Variants in CLNK observed in about 807,000 individuals in gnomAD.
CLNK encodes cytokine dependent hematopoietic cell linker, also known as cytokine-dependent hematopoietic cell linker.
In CLNK, 74 loss-of-function variants were observed where a neutral mutation model predicts 68.6. The observed-to-expected ratio is 1.08, with a 90% CI of 0.89 to 1.31. CLNK has a LOEUF of 1.31. Ranked by LOEUF, CLNK falls within the 50% of genes most tolerant of loss-of-function variation. The pLI is 0.00. For missense variants in CLNK, 553 were observed against 515.3 expected (o/e 1.07, Z -0.71); for synonymous variants, 198 against 172.2 (o/e 1.15, Z -1.17).
Position 10,667,930 on chromosome 4 carries a change from A to C in CLNK, c.-42-19T>G. The C allele has an allele frequency of 7.8e-7, 1 of 1,287,448 alleles. No individual in the cohort carries two copies. The highest frequency in any genetic ancestry group is 1.0e-6 in the Non-Finnish European group (1 of 956,562). The allele number at this position is 1,287,448 out of a possible 1,614,324, so 79.8% of individuals were successfully genotyped here. A position where few individuals can be genotyped will look rare whatever the true frequency, so the allele number is the denominator to read the frequency against. On this transcript the variant is annotated intron_variant, in intron 1 of 18. Coordinates refer to ENST00000226951, the MANE Select transcript of CLNK (RefSeq NM_052964.4). ...ATTCAGCCTGTGGAAACAAAAGCAAACGCGTTACTGGAACTTCCACATCAT... is the reference window on the plus strand; with the variant it reads ...ATTCAGCCTGTGGAAACAAAAGCAACCGCGTTACTGGAACTTCCACATCAT...
intron 18 of CLNK, among the ~76,000 whole-genome samples, chr4:10,493,137 T>C (rs1329538185): frequency 1.3e-5 from 2 of 152,218 alleles, no homozygotes; most frequent in East Asian, 3.9e-4. Flanking sequence ...GCCAACATAG[T>C]GAAATCCCCT....
At chr4:10,716,016 G>A in the CLNK span, among the ~76,000 whole-genome samples, 4 of 152,170 alleles carry the variant, frequency 2.6e-5, no homozygotes, top group African/African-American at 9.7e-5. Context: ...AGGTAGGAAA[G>A]TTTTTTAATA....
chr4:10,577,410 T>C (rs534032833), intron 4 of CLNK, among the ~76,000 whole-genome samples: 9 of 152,204 alleles, frequency 5.9e-5, no homozygotes, highest in African/African-American at 1.9e-4. Flanking sequence ...TGTCTCCCCA[T>C]ACCTATTTTC....
chr4:10,681,856 C>A (rs1051251093), intron 1 of CLNK, among the ~76,000 whole-genome samples: 2 of 152,150 alleles, frequency 1.3e-5, no homozygotes, highest in East Asian at 3.9e-4. Flanking sequence ...ATGGACAATG[C>A]ATGGAGCCTG....
chr4:10,586,326 C>CTT (rs1270456928), intron 3 of CLNK, among the ~76,000 whole-genome samples: 1 of 112,810 alleles, frequency 8.9e-6, no homozygotes. Context: ...CTGAATCTTT[C>CTT]TTTTTTTTTC....
upstream of CLNK, among the ~76,000 whole-genome samples, chr4:10,685,881 T>C (rs1358752848): frequency 6.6e-6 from 1 of 152,208 alleles, no homozygotes. Flanking sequence ...TTAATTAGCT[T>C]TTGCTGCATT....
chr4:10,665,991 T>C (rs879771614), intron 2 of CLNK, among the ~76,000 whole-genome samples: 2 of 152,176 alleles, frequency 1.3e-5, no homozygotes, highest in African/African-American at 4.8e-5. Flanking sequence ...AATATCTTTA[T>C]ATCAGACAAC....
intron 18 of CLNK, among the ~76,000 whole-genome samples, chr4:10,498,750 T>G (rs1318584618): frequency 6.6e-6 from 1 of 152,210 alleles, no homozygotes; most frequent in African/African-American, 2.4e-5. Flanking sequence ...TTGCCAATCC[T>G]CTCCACAAAA....
intron 8 of CLNK, among the ~76,000 whole-genome samples, chr4:10,556,998 C>A (rs1238481929): frequency 1.3e-5 from 2 of 151,880 alleles, no homozygotes; most frequent in African/African-American, 4.8e-5. Context: ...ATTGCTTGAG[C>A]CAGGGAGGCG....
At chr4:10,535,255 G>GAAAGAAAGAA (rs1475432046) in intron 11 of CLNK, among the ~76,000 whole-genome samples, 2 of 134,454 alleles carry the variant, frequency 1.5e-5, no homozygotes, top group African/African-American at 5.5e-5. Context: ...AAGAAAGAAA[G>GAAAGAAAGAA]AAAGAAAGAA....
At chr4:10,585,220 T>C (rs1186144896) in intron 3 of CLNK, among the ~76,000 whole-genome samples, 3 of 152,232 alleles carry the variant, frequency 2.0e-5, no homozygotes, top group Non-Finnish European at 2.9e-5. Flanking sequence ...CTCATGTAAA[T>C]AGCTGTATAC....
chr4:10,665,724 CA>C (rs1365225398), intron 2 of CLNK, among the ~76,000 whole-genome samples: 12 of 149,986 alleles, frequency 8.0e-5, no homozygotes, highest in Non-Finnish European at 7.4e-5. Context: ...ATCTCAGCTG[CA>C]AAGCCAAGCA....
intron 17 of CLNK, among the ~76,000 whole-genome samples, chr4:10,506,551 A>G (rs990887881): frequency 2.0e-5 from 3 of 152,222 alleles, no homozygotes; most frequent in Admixed American, 6.5e-5. Flanking sequence ...GAAGTGAGAC[A>G]TAAAGACCCA....
chr4:10,679,076 G>T (rs1217322112), intron 1 of CLNK, among the ~76,000 whole-genome samples: 3 of 152,156 alleles, frequency 2.0e-5, no homozygotes, highest in African/African-American at 4.8e-5. Flanking sequence ...TAAGCCTAAA[G>T]AACAAAGCTG....
At chr4:10,592,880 C>T (rs1256943257) in intron 3 of CLNK, among the ~76,000 whole-genome samples, 1 of 151,896 alleles carries the variant, frequency 6.6e-6, no homozygotes, top group Non-Finnish European at 1.5e-5. Flanking sequence ...CACCCACTAC[C>T]ATGCCTGGCT....
chr4:10,527,184 T>A (rs1319258694), intron 13 of CLNK, among the ~76,000 whole-genome samples: 1 of 152,230 alleles, frequency 6.6e-6, no homozygotes. Flanking sequence ...TGTTGCCTGA[T>A]GAAACAGTAC....
Position 10,487,456 on chromosome 4 carries a change from T to C in CLNK, c.*3011A>G, listed in dbSNP as rs1716391498. ...TCATCCATTACAAGCAAAATGTAAATGTGATTGTCCTTACTACAATCAACA... is the reference window on the plus strand; with the variant it reads ...TCATCCATTACAAGCAAAATGTAAACGTGATTGTCCTTACTACAATCAACA... On this transcript the variant is annotated 3_prime_UTR_variant, in exon 19 of 19. Transcript: ENST00000226951. 6.6e-6 allele frequency: 1 copy of C among 152,146 alleles called. No individual in the cohort carries two copies. Among genetic ancestry groups the C allele is most frequent in the African/African-American group, 2.4e-5 (1 of 41,422 alleles). 9.4% of individuals were successfully genotyped at this position (152,146 alleles called of 1,614,324 possible).
At chr4:10,653,593 A>G (rs940531891) in intron 2 of CLNK, among the ~76,000 whole-genome samples, 10 of 152,206 alleles carry the variant, frequency 6.6e-5, no homozygotes, top group African/African-American at 2.4e-4. Flanking sequence ...TTTATAGTAG[A>G]ACAGGATGGC....
intron 4 of CLNK, among the ~76,000 whole-genome samples, chr4:10,580,517 CCTT>C (rs1290192949): frequency 6.6e-6 from 1 of 152,034 alleles, no homozygotes; most frequent in East Asian, 1.9e-4. Flanking sequence ...CCCCTGAAGA[CCTT>C]CTAGTAGGAC....
Sources: allele counts gnomAD v4.1 joint callset (sites outside exome capture counted in the v4.1 genomes callset), GRCh38; gene constraint gnomAD v4.1.1; transcripts MANE v1.5; gene names NCBI Gene and HGNC (gene_info 2026-07-23, HGNC 2026-07-21).